ATP6V0A1: variants seen among roughly 807,000 people sequenced by gnomAD.
ATP6V0A1 encodes V-type proton ATPase 116 kDa subunit a 1.
A neutral mutation model predicts 105.4 loss-of-function variants in ATP6V0A1; 43 were observed. The observed-to-expected ratio is 0.41, with a 90% CI of 0.32 to 0.53. The LOEUF is 0.53. ATP6V0A1 is among the 20% of genes least tolerant of loss of function. The probability of loss-of-function intolerance (pLI) is 0.30; values close to 1 mark genes in which losing one functional copy is unlikely to be tolerated. For synonymous variants in ATP6V0A1, 362 were observed against 372.8 expected (o/e 0.97, Z 0.33); for missense variants, 676 against 1,051.1 (o/e 0.64, Z 4.93).
At position 42,521,220 on chromosome 17, in the gene ATP6V0A1, G is replaced by C. The variant is rs1256343710; in HGVS notation, c.*100G>C. On this transcript the variant is annotated 3_prime_UTR_variant, in exon 22 of 22. Coordinates refer to ENST00000343619, the MANE Select transcript of ATP6V0A1 (RefSeq NM_001130021.3). The surrounding 1 kb of genome is among the most constrained non-coding windows in gnomAD (Gnocchi z 4.8). The stretch of plus-strand genomic sequence containing the variant: ...TGTTGGTTGTGATCTGTGGGCACCA[G>C]CTCATTCGTGTCACCCTGTCTGTGA... 2 of 1,045,392 alleles carry C rather than the reference G, an allele frequency of 1.9e-6. No individual in the cohort carries two copies. Among genetic ancestry groups the C allele is most frequent in the Non-Finnish European group, 2.8e-6 (2 of 725,078 alleles). The allele number at this position is 1,045,392 out of a possible 1,614,324, so 64.8% of individuals were successfully genotyped here.
At chr17:42,501,364 A>G (rs901579034) in intron 17 of ATP6V0A1, 60 bp downstream of exon 17, 90 of 1,192,456 alleles carry the variant, frequency 7.5e-5, no homozygotes, top group African/African-American at 3.6e-4. Context: ...GATCAAGGCA[A>G]TTCCCCAGTG....
At chr17:42,494,932 TAAAGTAGTGCTGGAG>T in intron 12 of ATP6V0A1, 87 bp from the exon 13 acceptor site, 2 of 1,284,106 alleles carry the variant, frequency 1.6e-6, no homozygotes, top group South Asian at 2.9e-5. Flanking sequence ...CAGGATGGGG[TAAAGTAGTGCTGGAG>T]AAAGGGGCAG....
chr17:42,515,642 G>T (rs1278236520), intron 21 of ATP6V0A1, among the ~76,000 whole-genome samples: 1 of 151,990 alleles, frequency 6.6e-6, no homozygotes, highest in African/African-American at 2.4e-5. Flanking sequence ...AAAAACATTA[G>T]CCGGGCATGG....
chr17:42,520,656 T>C, intron 21 of ATP6V0A1: 1 of 455,860 alleles, frequency 2.2e-6, no homozygotes, highest in Non-Finnish European at 4.4e-6. Context: ...GGGGCTTCCC[T>C]TAGAGGTGGG....
intron 11 of ATP6V0A1, among the ~76,000 whole-genome samples, chr17:42,493,897 T>A (rs2090906387): frequency 6.6e-6 from 1 of 152,174 alleles, no homozygotes; most frequent in Admixed American, 6.5e-5. Flanking sequence ...AGATTTTCTC[T>A]GAGAGTCCTA....
intron 21 of ATP6V0A1, 103 bp from the exon 22 acceptor site, chr17:42,520,924 G>T: frequency 9.9e-7 from 1 of 1,009,926 alleles, no homozygotes; most frequent in Non-Finnish European, 1.5e-6. Flanking sequence ...AGGGAGGCTC[G>T]GGGTGAGGTG....
intron 14 of ATP6V0A1, chr17:42,496,078 AAAAG>A (rs1168392193): frequency 7.3e-4 from 105 of 144,208 alleles, no homozygotes; most frequent in South Asian, 1.7e-3. Context: ...AAAAAAAAAA[AAAAG>A]AAAGAAAGAA....
intron 7 of ATP6V0A1, 164 bp downstream of exon 7, chr17:42,478,753 G>A (rs1219954516): frequency 6.3e-6 from 4 of 635,610 alleles, no homozygotes; most frequent in Non-Finnish European, 9.3e-6. Context: ...GTTAATTCCT[G>A]TCATATATAC....
chr17:42,461,337 A>G (rs2086373011), intron 2 of ATP6V0A1, among the ~76,000 whole-genome samples: 1 of 152,184 alleles, frequency 6.6e-6, no homozygotes, highest in African/African-American at 2.4e-5. Context: ...AATATATTGC[A>G]GTTTTTCCAT....
intron 5 of ATP6V0A1, 146 bp downstream of exon 5, chr17:42,470,364 A>T: frequency 5.0e-6 from 5 of 990,390 alleles, no homozygotes; most frequent in Non-Finnish European, 7.4e-6. Context: ...GAAATGTGAG[A>T]TTATGTTCCA....
intron 3 of ATP6V0A1, 22 bp from the exon 4 acceptor site, chr17:42,467,988 T>G: frequency 6.5e-7 from 1 of 1,540,926 alleles, no homozygotes; most frequent in African/African-American, 1.4e-5. Context: ...TAGACATGAA[T>G]GTTTTGATTC....
rs1005748852 is a variant in ATP6V0A1, at chr17:42,487,749, AAAAT to A, written c.1023+392_1023+395del. ...TCTCAAAAAAAAAAAATAATAATAA[AAAAT>A]AAATAAATAGTAACATTAATGTCAT... On this transcript the variant is annotated intron_variant, in intron 10 of 21. Coordinates refer to ENST00000343619, the MANE Select transcript of ATP6V0A1 (RefSeq NM_001130021.3). 1.2e-4 allele frequency among the ~76,000 whole-genome samples: 18 copies of A among 152,238 alleles called. No homozygotes were observed. In the South Asian group the frequency reaches 1.2e-3, roughly 11 times the overall value.
chr17:42,514,443 C>T lies in ATP6V0A1; in HGVS notation c.2403C>T (p.His801=), dbSNP rs150857589. Residue 801 remains histidine (H), a synonymous_variant, in exon 21 of 22, where the codon CAC becomes CAT. Transcript: ENST00000343619. The stretch of plus-strand genomic sequence containing the variant: ...TGGAGGGCCTCTCGGCCTTTCTCCA[C>T]GCACTGCGCTTACACTGGTGAGGGG... ...LIMEGLSAFL[H]ALRLHWVEFQ... The T allele has an allele frequency of 3.2e-4, 516 of 1,605,562 alleles. 4 individuals carry two copies. Among genetic ancestry groups the T allele is most frequent in the South Asian group, 2.9e-3 (257 of 89,452 alleles).
chr17:42,491,292 CTG>C (rs944531802), intron 11 of ATP6V0A1, among the ~76,000 whole-genome samples: 1 of 152,006 alleles, frequency 6.6e-6, no homozygotes, highest in African/African-American at 2.4e-5. Flanking sequence ...AATCCTAGCA[CTG>C]TTTTTTTAAT....
intron 12 of ATP6V0A1, chr17:42,494,679 A>G (rs892444354): frequency 3.3e-6 from 2 of 600,950 alleles, no homozygotes; most frequent in African/African-American, 1.9e-5. Flanking sequence ...AGGCTGAGGC[A>G]GGAGAATCAC....
intron 2 of ATP6V0A1, among the ~76,000 whole-genome samples, chr17:42,461,633 T>G (rs1229759908): frequency 6.6e-6 from 1 of 152,018 alleles, no homozygotes; most frequent in Non-Finnish European, 1.5e-5. Context: ...AAAATTAGCA[T>G]GGTGGCGCAG....
chr17:42,461,252 T>C (rs1350529412), intron 2 of ATP6V0A1, among the ~76,000 whole-genome samples: 1 of 152,134 alleles, frequency 6.6e-6, no homozygotes, highest in Non-Finnish European at 1.5e-5. Context: ...CAGGTAATTG[T>C]TTGGGATGCA....
chr17:42,501,460 G>T (rs980996485), intron 17 of ATP6V0A1, among the ~76,000 whole-genome samples, 156 bp downstream of exon 17: 3 of 151,942 alleles, frequency 2.0e-5, no homozygotes, highest in African/African-American at 7.2e-5. Flanking sequence ...TGTCCCCCAG[G>T]CTGGGGTGCA....
At chr17:42,517,236 C>T (rs1026969576) in intron 21 of ATP6V0A1, among the ~76,000 whole-genome samples, 2 of 152,036 alleles carry the variant, frequency 1.3e-5, no homozygotes, top group African/African-American at 2.4e-5. Flanking sequence ...GCCAAGATCG[C>T]GCCACTGCAC....
Sources: gnomAD v4.1 joint callset for allele counts (sites outside exome capture counted in the v4.1 genomes callset) on GRCh38, gnomAD v4.1.1 for gene constraint, Gnocchi (gnomAD v3.1) non-coding constraint, MANE v1.5 for transcripts, NCBI Gene and HGNC (gene_info 2026-07-23, HGNC 2026-07-21) for gene names.